The following BCORL1 variants were observed in gnomAD, a reference collection of about 807,000 sequenced individuals.
The protein encoded by BCORL1 is BCL-6 corepressor-like protein 1.
A neutral mutation model predicts 87.6 loss-of-function variants in BCORL1; 7 were observed. The ratio of observed to expected loss-of-function variants is 0.08; its 90% CI spans 0.05 to 0.15. The LOEUF (loss-of-function observed/expected upper bound fraction) is 0.15, where lower values mean the gene tolerates loss of function less well. Among genes scored for constraint, BCORL1 ranks in the 10% least tolerant of loss-of-function variants. BCORL1 has a pLI of 1.00. For synonymous variants in BCORL1, 591 were observed against 634.4 expected, an observed-to-expected ratio of 0.93 and a Z score of 1.03; for missense variants, 1,215 against 1,499.7, an observed-to-expected ratio of 0.81 and a Z score of 3.13.
intron 13 of BCORL1, among the ~76,000 whole-genome samples, chrX:130,055,126 G>GC (rs1228732986): frequency 5.4e-5 from 6 of 111,358 alleles, no homozygotes; most frequent in African/African-American, 2.0e-4. Flanking sequence ...GTTTCTTCCC[G>GC]CATTAGTCAA....
chrX:129,988,176 A>G (rs905958767), intron 1 of BCORL1, among the ~76,000 whole-genome samples: 2 of 111,977 alleles, frequency 1.8e-5, no homozygotes, highest in Non-Finnish European at 3.8e-5. Flanking sequence ...ATAATTTTAC[A>G]TATGAACTAG....
rs988790925 is a variant in BCORL1, at chrX:130,025,079, C to A, written c.3778C>A (p.Pro1260Thr). The A allele has an allele frequency of 3.3e-6, 4 of 1,209,975 alleles. No individual in the cohort carries two copies. The African/African-American group carries it at 7.0e-5, about 21-fold the overall frequency. Residue 1260 changes from proline to threonine, a missense_variant, in exon 7 of 14, where the codon CCC becomes ACC. Coordinates refer to ENST00000540052, the MANE Select transcript of BCORL1 (RefSeq NM_001379451.1). ...CACAGAAGAAGAAGAGGAGGTAACC[C>A]CCACCCCAGCTAAGCGTCGAAAGGT... ...FPTEEEEEVT[P>T]TPAKRRKVRK...
intron 8 of BCORL1, among the ~76,000 whole-genome samples, chrX:130,034,074 A>G (rs1156320233): frequency 8.9e-6 from 1 of 112,332 alleles, no homozygotes; most frequent in African/African-American, 3.2e-5. Flanking sequence ...AAAAACCTCA[A>G]TAAATGGTGA....
intron 1 of BCORL1, among the ~76,000 whole-genome samples, chrX:129,999,328 A>ATTTTT (rs1927830351): frequency 3.2e-5 from 1 of 31,288 alleles, no homozygotes; most frequent in African/African-American, 1.2e-4. Flanking sequence ...TTTTTTTTTG[A>ATTTTT]GATAGGGTCT....
intron 11 of BCORL1, among the ~76,000 whole-genome samples, 180 bp from the exon 12 acceptor site, chrX:130,050,537 C>T (rs1932015536): frequency 1.8e-5 from 2 of 110,929 alleles, no homozygotes; most frequent in Non-Finnish European, 3.8e-5. Flanking sequence ...GTCTCCTGTC[C>T]CCTTGTTGGC....
In BCORL1 at chrX:130,013,895, G is replaced by A. The variant is rs1244839564; in HGVS notation, c.1123G>A (p.Ala375Thr). The change falls in exon 4 of 14, where the codon GCC becomes ACC. Residue 375 changes from alanine to threonine, a missense_variant. Around this residue, in one of 5 missense-constraint regions of BCORL1, gnomAD observed 861 missense variants for 1,010.0 expected, o/e 0.85. Transcript: ENST00000540052. ...ACCTTCTACCCCCACCCTCATCCCC[G>A]CCTTTGCTCCTACACCGGTGCCTGC... ...GPPSTPTLIP[A>T]FAPTPVPAPT... 2 of 957,016 alleles carry A rather than the reference G, an allele frequency of 2.1e-6. No homozygotes were observed. Among genetic ancestry groups the A allele is most frequent in the Non-Finnish European group, 2.7e-6 (2 of 742,800 alleles). The allele number at this position is 957,016 out of a possible 1,213,427, so 78.9% of individuals were successfully genotyped here.
chrX:130,041,125 C>G (rs184050929), intron 11 of BCORL1, among the ~76,000 whole-genome samples: 1 of 110,245 alleles, frequency 9.1e-6, no homozygotes, highest in Admixed American at 9.8e-5. Context: ...GATCCCAGCA[C>G]TTTGGGAGGC....
intron 9 of BCORL1, among the ~76,000 whole-genome samples, chrX:130,035,661 G>A (rs1328767047): frequency 8.9e-6 from 1 of 112,200 alleles, no homozygotes; most frequent in Non-Finnish European, 1.9e-5. Flanking sequence ...CCTAGTGTGC[G>A]TGCCTGGATA....
At position 130,012,646 on chromosome X, in the gene BCORL1, G is replaced by A; in HGVS notation, c.155G>A (p.Cys52Tyr). The change falls in exon 3 of 14, where the codon TGT becomes TAT. Residue 52 changes from cysteine (C) to tyrosine (Y), a missense_variant. Coordinates refer to ENST00000540052, the MANE Select transcript of BCORL1 (RefSeq NM_001379451.1). ...DCQHFGSQEF[C>Y]VSSSFSKVEL... ...CAGCACTTTGGATCTCAGGAGTTTTGTGTCAGCAGCAGTTTTTCCAAGGTA... is the reference window on the plus strand; with the variant it reads ...CAGCACTTTGGATCTCAGGAGTTTTATGTCAGCAGCAGTTTTTCCAAGGTA... 1 of 1,211,281 alleles carries A rather than the reference G, an allele frequency of 8.3e-7. No homozygotes were observed. Among genetic ancestry groups the A allele is most frequent in the African/African-American group, 1.7e-5 (1 of 57,866 alleles).
intron 11 of BCORL1, among the ~76,000 whole-genome samples, chrX:130,043,760 ATATATATATATATATATATATATATT>A (rs1280431229): frequency 4.5e-3 from 61 of 13,513 alleles, no homozygotes; most frequent in Non-Finnish European, 5.9e-3. Flanking sequence ...ATATATATAT[ATATATATATATATATATATATATATT>A]TTTTTTTTTT....
intron 11 of BCORL1, among the ~76,000 whole-genome samples, chrX:130,040,167 G>A (rs7066351): frequency 0.1 from 11,435 of 111,595 alleles, 1,471 homozygotes; most frequent in African/African-American, 0.35. Context: ...TGTTTGTATT[G>A]TGGTTAGAAC....
In BCORL1 at chrX:130,039,099, T is replaced by G. The variant is rs779776488; in HGVS notation, c.4695-38T>G. On this transcript the variant is annotated intron_variant, in intron 10 of 13. Coordinates refer to ENST00000540052, the MANE Select transcript of BCORL1 (RefSeq NM_001379451.1). Reference sequence around the variant, plus strand: ...TAAGTGTAGACACCCCAGTTCCCACTTGGGCCCTGTTATCCTCACCCTGTA... The same window carrying G: ...TAAGTGTAGACACCCCAGTTCCCACGTGGGCCCTGTTATCCTCACCCTGTA... 8 of 1,203,865 alleles carry G rather than the reference T, an allele frequency of 6.6e-6. No individual in the cohort carries two copies. The South Asian group carries it at 1.4e-4, about 21-fold the overall frequency.
chrX:129,983,427 G>T (rs868824899), intron 1 of BCORL1, among the ~76,000 whole-genome samples: 1,060 of 71,175 alleles, frequency 0.015, 14 homozygotes, highest in African/African-American at 0.054. Context: ...GCTTTTTTTT[G>T]GGGGGGGGGG....
intron 2 of BCORL1, among the ~76,000 whole-genome samples, chrX:130,009,895 G>A (rs1284310270): frequency 9.0e-6 from 1 of 111,281 alleles, no homozygotes. Flanking sequence ...CTCTTCCCGG[G>A]CCCCCTCCCC....
At chrX:130,043,870 C>T (rs1456677900) in intron 11 of BCORL1, among the ~76,000 whole-genome samples, 2 of 85,938 alleles carry the variant, frequency 2.3e-5, no homozygotes, top group Non-Finnish European at 4.4e-5. Flanking sequence ...CCCTGGTTCA[C>T]GCCATTCTCC....
At chrX:130,032,432 A>G (rs1930668741) in intron 8 of BCORL1, among the ~76,000 whole-genome samples, 1 of 112,375 alleles carries the variant, frequency 8.9e-6, no homozygotes, top group African/African-American at 3.2e-5. Flanking sequence ...CGAGTGATCC[A>G]AAAGAGAGCA....
intron 13 of BCORL1, among the ~76,000 whole-genome samples, chrX:130,052,475 G>C (rs1474372960): frequency 8.9e-6 from 1 of 112,745 alleles, no homozygotes. Context: ...TGTTAGTAGC[G>C]TGGTGCTGCC....
intron 1 of BCORL1, among the ~76,000 whole-genome samples, chrX:130,003,623 G>A (rs1011673731): frequency 9.9e-5 from 11 of 111,140 alleles, no homozygotes; most frequent in Non-Finnish European, 1.3e-4. Flanking sequence ...CACCTGCCTC[G>A]GCCTCCCAAA....
In BCORL1 at chrX:130,015,844, C is replaced by T. The variant is rs1301676899; in HGVS notation, c.3072C>T (p.Asp1024=). 5.8e-6 allele frequency: 7 copies of T among 1,211,839 alleles called. No homozygotes were observed. Among genetic ancestry groups the T allele is most frequent in the South Asian group, 3.5e-5 (2 of 56,989 alleles). ...HDSHPKELIL[D]VVPSSRRGSS... is the part of the protein sequence containing the mutation. ...GCCACCCCAAGGAACTTATATTGGACGTGGTTCCGAGCAGCAGGAGGGGCT... is the reference window on the plus strand; with the variant it reads ...GCCACCCCAAGGAACTTATATTGGATGTGGTTCCGAGCAGCAGGAGGGGCT... Residue 1024 remains aspartate, a synonymous_variant, in exon 4 of 14, where the codon GAC becomes GAT. Coordinates refer to ENST00000540052, the MANE Select transcript of BCORL1 (RefSeq NM_001379451.1).
Sources: gnomAD v4.1 joint callset for allele counts (sites outside exome capture counted in the v4.1 genomes callset) on GRCh38, gnomAD v4.1.1 for gene constraint, gnomAD v4.1.1 regional missense constraint, MANE v1.5 for transcripts, NCBI Gene and HGNC (gene_info 2026-07-23, HGNC 2026-07-21) for gene names.